RASAL2: variants seen among roughly 807,000 people sequenced by gnomAD.
RASAL2 encodes ras GTPase-activating protein nGAP.
RASAL2 carries 58 observed loss-of-function variants against 128.9 expected under a neutral mutation model. That is an observed-to-expected ratio of 0.45 (90% CI 0.36 to 0.56). The LOEUF is 0.56. RASAL2 is among the 20% of genes least tolerant of loss of function. The probability of loss-of-function intolerance (pLI) is 0.00; values close to 1 mark genes in which losing one functional copy is unlikely to be tolerated. For missense variants in RASAL2, 1,360 were observed against 1,601.6 expected (o/e 0.85, Z 2.57); for synonymous variants, 561 against 580.8 (o/e 0.97, Z 0.49).
chr1:178,213,470 C>G (rs1396130768), intron 1 of RASAL2, among the ~76,000 whole-genome samples: 2 of 152,118 alleles, frequency 1.3e-5, no homozygotes, highest in East Asian at 1.9e-4. Flanking sequence ...GCAGCTTTAT[C>G]ATAGACAAAA....
rs927123622 is a variant in RASAL2 at position 178,097,165 on chromosome 1, C to T, written c.202+2471C>T. ...TGGGAACCTAGTCTAGAGGATACAA[C>T]TAGAAGCTTAGAGTATTGGTTTCAT... is the stretch of plus-strand genomic sequence containing the variant. On this transcript the variant is annotated intron_variant, in intron 1 of 17. Transcript: ENST00000367649. Among the ~76,000 whole-genome samples the T allele has an allele frequency of 2.0e-5, 3 of 152,314 alleles. No homozygotes were observed. The South Asian group carries it at 6.2e-4, about 32-fold the overall frequency.
intron 1 of RASAL2, among the ~76,000 whole-genome samples, chr1:178,118,951 T>C (rs1020372469): frequency 6.6e-6 from 1 of 152,110 alleles, no homozygotes; most frequent in African/African-American, 2.4e-5. Flanking sequence ...CACTGCAACC[T>C]CTGCCTCCCA....
In RASAL2 at chr1:178,263,087, T is replaced by C. The variant is rs201615745; in HGVS notation, c.203-20477T>C. 2.0e-5 allele frequency among the ~76,000 whole-genome samples: 3 copies of C among 152,290 alleles called. No homozygotes were observed. The East Asian group carries it at 5.8e-4, about 29-fold the overall frequency. On this transcript the variant is annotated intron_variant, in intron 1 of 17. Transcript: ENST00000367649. ...GAGCAAATCTGTGCAGTACTTTTTT[T>C]CCTCAGAATATTTCCAAGGAAAGGT...
At chr1:178,197,767 G>A (rs182144587) in intron 1 of RASAL2, among the ~76,000 whole-genome samples, 9 of 152,188 alleles carry the variant, frequency 5.9e-5, no homozygotes, top group Admixed American at 5.9e-4. Context: ...TGTTACATGT[G>A]TATACATGTG....
chr1:178,457,843 A>G lies in RASAL2; in HGVS notation c.2551A>G (p.Met851Val), dbSNP rs746768526. Residue 851 changes from methionine (M) to valine (V), a missense_variant, in exon 14 of 18, where the codon ATG becomes GTG. Around this residue, in one of 3 missense-constraint regions of RASAL2, gnomAD observed 741 missense variants for 868.6 expected, o/e 0.85. Coordinates refer to ENST00000367649, the MANE Select transcript of RASAL2 (RefSeq NM_170692.4). ...TCCTAATGGTCGGAGCGTCTCCCTC[A>G]TGGACCTCCAGGACACTCATGCTGC... is the stretch of plus-strand genomic sequence containing the variant. ...SLPNGRSVSLMDLQDTHAAQV... is the reference protein window; with the variant it reads ...SLPNGRSVSLVDLQDTHAAQV... The G allele has an allele frequency of 6.2e-6, 10 of 1,614,208 alleles. No homozygotes were observed. Among genetic ancestry groups the G allele is most frequent in the Middle Eastern group, 3.3e-4 (2 of 6,062 alleles).
At chr1:178,168,637 G>A (rs942974400) in intron 1 of RASAL2, among the ~76,000 whole-genome samples, 9 of 152,058 alleles carry the variant, frequency 5.9e-5, no homozygotes, top group Non-Finnish European at 8.8e-5. Context: ...TGCTAGCTCT[G>A]TAGGCTAGTT....
At chr1:178,334,710 A>C (rs1435441436) in intron 3 of RASAL2, among the ~76,000 whole-genome samples, 1 of 152,214 alleles carries the variant, frequency 6.6e-6, no homozygotes, top group Admixed American at 6.5e-5. Context: ...CTTTCTAAAA[A>C]AATAGGCAGG....
At chr1:178,314,080 A>G (rs1557895252) in intron 3 of RASAL2, among the ~76,000 whole-genome samples, 1 of 152,220 alleles carries the variant, frequency 6.6e-6, no homozygotes, top group South Asian at 2.1e-4. Flanking sequence ...GATTTAATGT[A>G]TCATTTTGAT....
At chr1:178,284,435 C>G (rs1158855998) in intron 2 of RASAL2, among the ~76,000 whole-genome samples, 1 of 152,216 alleles carries the variant, frequency 6.6e-6, no homozygotes, top group Non-Finnish European at 1.5e-5. Context: ...TAGAGGTCAG[C>G]TTCCTGAAAC....
Position 178,375,163 on chromosome 1 carries a change from A to G in RASAL2, c.458-14937A>G, listed in dbSNP as rs187319965. ...TAGGGTTTAATCTGAATCCTAAAAGATTTTTTATGGAAATGGTAGGGTTTT... is the reference window on the plus strand; with the variant it reads ...TAGGGTTTAATCTGAATCCTAAAAGGTTTTTTATGGAAATGGTAGGGTTTT... On this transcript the variant is annotated intron_variant, in intron 3 of 17. Transcript: ENST00000367649. 9.2e-5 allele frequency among the ~76,000 whole-genome samples: 14 copies of G among 152,238 alleles called. No homozygotes were observed. In the East Asian group the frequency reaches 2.7e-3, roughly 29 times the overall value.
intron 3 of RASAL2, among the ~76,000 whole-genome samples, chr1:178,317,431 T>G (rs1668540599): frequency 1.4e-5 from 2 of 147,028 alleles, no homozygotes; most frequent in African/African-American, 5.1e-5. Flanking sequence ...CTGGACTCTT[T>G]TTGGTTGGTA....
chr1:178,344,662 C>T (rs1416284718), intron 3 of RASAL2, among the ~76,000 whole-genome samples: 2 of 152,086 alleles, frequency 1.3e-5, no homozygotes, highest in Non-Finnish European at 2.9e-5. Flanking sequence ...TTTTCAGTTC[C>T]CTGTATATCA....
intron 2 of RASAL2, among the ~76,000 whole-genome samples, chr1:178,298,038 T>C (rs1571807300): frequency 6.6e-6 from 1 of 152,210 alleles, no homozygotes. Flanking sequence ...CAAATAGTTA[T>C]GTTTATTTAG....
At chr1:178,229,568 A>C (rs1663921196) in intron 1 of RASAL2, among the ~76,000 whole-genome samples, 1 of 152,024 alleles carries the variant, frequency 6.6e-6, no homozygotes, top group African/African-American at 2.4e-5. Context: ...ATGACACACA[A>C]ATGATGTTGT....
chr1:178,189,560 T>C (rs60861851), intron 1 of RASAL2, among the ~76,000 whole-genome samples: 69 of 152,304 alleles, frequency 4.5e-4, no homozygotes, highest in African/African-American at 1.6e-3. Flanking sequence ...TATATTGGAG[T>C]GATTATATCT....
At chr1:178,391,205 G>A (rs1489865998) in intron 4 of RASAL2, among the ~76,000 whole-genome samples, 2 of 152,098 alleles carry the variant, frequency 1.3e-5, no homozygotes, top group African/African-American at 4.8e-5. Context: ...AGACCTTAAG[G>A]ATATTATTGT....
At chr1:178,152,967 T>C (rs1051886718) in intron 1 of RASAL2, among the ~76,000 whole-genome samples, 9 of 152,220 alleles carry the variant, frequency 5.9e-5, no homozygotes. Flanking sequence ...TTAAAAATAA[T>C]CTAATATCCA....
chr1:178,166,248 T>C (rs1661511994), intron 1 of RASAL2, among the ~76,000 whole-genome samples: 1 of 152,174 alleles, frequency 6.6e-6, no homozygotes, highest in East Asian at 1.9e-4. Context: ...ATTAATGTGA[T>C]CATTTAACTT....
chr1:178,473,608 T>G lies in RASAL2; in HGVS notation c.*369T>G, dbSNP rs187968447. ...TTACAGGAAGTAAAGTAGGAACTGT[T>G]GTGTGAGCGAGACATGAGCCTGTAG... On this transcript the variant is annotated 3_prime_UTR_variant, in exon 18 of 18. Coordinates refer to ENST00000367649, the MANE Select transcript of RASAL2 (RefSeq NM_170692.4). 218 of 264,064 alleles carry G rather than the reference T, an allele frequency of 8.3e-4. No individual in the cohort carries two copies. Among genetic ancestry groups the G allele is most frequent in the African/African-American group, 4.7e-3 (206 of 43,956 alleles). 16.4% of individuals were successfully genotyped at this position (264,064 alleles called of 1,614,324 possible).
Sources: gnomAD v4.1 joint callset for allele counts (sites outside exome capture counted in the v4.1 genomes callset) on GRCh38, gnomAD v4.1.1 for gene constraint, gnomAD v4.1.1 regional missense constraint, MANE v1.5 for transcripts, NCBI Gene and HGNC (gene_info 2026-07-23, HGNC 2026-07-21) for gene names.